SLC46A3: variants seen among roughly 807,000 people sequenced by gnomAD.
SLC46A3 encodes lysosomal proton-coupled steroid conjugate and bile acid symporter SLC46A3.
In SLC46A3, 26 loss-of-function variants were observed where a neutral mutation model predicts 38.5. That is an observed-to-expected ratio of 0.68 (90% CI 0.49 to 0.94). The LOEUF (loss-of-function observed/expected upper bound fraction) is 0.94, where lower values mean the gene tolerates loss of function less well. SLC46A3 is among the 40% of genes least tolerant of loss of function. The pLI is 0.00. For synonymous variants in SLC46A3, 185 were observed against 192.5 expected, an observed-to-expected ratio of 0.96 and a Z score of 0.32; for missense variants, 510 against 544.3, an observed-to-expected ratio of 0.94 and a Z score of 0.63.
At chr13:28,711,284 C>T (rs541199008) in intron 3 of SLC46A3, among the ~76,000 whole-genome samples, 6 of 152,134 alleles carry the variant, frequency 3.9e-5, no homozygotes, top group South Asian at 2.1e-4. Context: ...ATTAGCCAGG[C>T]GTGGTGGCGC....
rs1885013567 is a variant in SLC46A3 at position 28,701,394 on chromosome 13, G to C, written c.*103C>G. ...TTTAGAAGAAAAGATAGGTAAAATT[G>C]GTTCTCAGTGAAGCACTGATTGTGG... is the stretch of plus-strand genomic sequence containing the variant. On this transcript the variant is annotated 3_prime_UTR_variant, in exon 6 of 6. Transcript: ENST00000266943. 6.7e-7 allele frequency: 1 copy of C among 1,501,856 alleles called. No homozygotes were observed. Among genetic ancestry groups the C allele is most frequent in the Admixed American group, 2.4e-5 (1 of 42,264 alleles). The allele number at this position is 1,501,856 out of a possible 1,614,324, so 93.0% of individuals were successfully genotyped here.
Position 28,701,346 on chromosome 13 carries a change from G to A in SLC46A3, c.*151C>T, listed in dbSNP as rs546687092. The A allele has an allele frequency of 6.1e-5, 87 of 1,435,930 alleles. No homozygotes were observed. The highest frequency in any genetic ancestry group is 7.8e-5 in the Non-Finnish European group (85 of 1,096,052). The allele number at this position is 1,435,930 out of a possible 1,614,324, so 88.9% of individuals were successfully genotyped here. A position where few individuals can be genotyped will look rare whatever the true frequency, so the allele number is the denominator to read the frequency against. ...TGGTACCACAAGAAGCTAAAGCCAGGAGCTGTCTCTCTGACTGTTCAGTTT... is the reference window on the plus strand; with the variant it reads ...TGGTACCACAAGAAGCTAAAGCCAGAAGCTGTCTCTCTGACTGTTCAGTTT... On this transcript the variant is annotated 3_prime_UTR_variant, in exon 6 of 6. Transcript: ENST00000266943.
rs748310921 is a variant in SLC46A3, at chr13:28,718,000, T to A, written c.-2A>T. 1.2e-6 allele frequency: 2 copies of A among 1,611,638 alleles called. No individual in the cohort carries two copies. The highest frequency in any genetic ancestry group is 1.7e-6 in the Non-Finnish European group (2 of 1,179,196). ...AGGTTCTACAAATAAAATCTTCATA[T>A]TGCCTGGGTAGGTAGCTGTATTCTA... On this transcript the variant is annotated 5_prime_UTR_variant, in exon 2 of 6. Coordinates refer to ENST00000266943, the MANE Select transcript of SLC46A3 (RefSeq NM_181785.4).
At chr13:28,703,223 A>G (rs894015195) in intron 5 of SLC46A3, among the ~76,000 whole-genome samples, 2 of 152,236 alleles carry the variant, frequency 1.3e-5, no homozygotes, top group Non-Finnish European at 2.9e-5. Flanking sequence ...TCATTAAAAC[A>G]AGACAAAGTC....
intron 2 of SLC46A3, among the ~76,000 whole-genome samples, chr13:28,714,425 C>G (rs1217356705): frequency 6.6e-6 from 1 of 152,032 alleles, no homozygotes. Flanking sequence ...GCCTGGGCAA[C>G]ATAGCGAGAC....
intron 3 of SLC46A3, among the ~76,000 whole-genome samples, chr13:28,711,191 G>A (rs953802749): frequency 4.6e-5 from 7 of 152,142 alleles, no homozygotes; most frequent in East Asian, 1.9e-4. Flanking sequence ...TTGGGAGGCC[G>A]AGGAGGGCAG....
At chr13:28,703,816 TA>T in intron 5 of SLC46A3, 126 bp downstream of exon 5, 1 of 755,220 alleles carries the variant, frequency 1.3e-6, no homozygotes, top group Admixed American at 2.6e-5. Flanking sequence ...ACTTCATGTC[TA>T]AAAGTTCTTG....
chr13:28,705,680 A>C (rs928796465), intron 4 of SLC46A3, among the ~76,000 whole-genome samples: 3 of 152,216 alleles, frequency 2.0e-5, no homozygotes, highest in Non-Finnish European at 4.4e-5. Flanking sequence ...GAATGAATCA[A>C]AGCTTAATTC....
intron 2 of SLC46A3, among the ~76,000 whole-genome samples, chr13:28,714,475 A>G (rs1385856748): frequency 2.0e-5 from 3 of 151,912 alleles, no homozygotes; most frequent in South Asian, 2.1e-4. Context: ...TAGGCCAGGC[A>G]CGGTGGCTCA....
intron 5 of SLC46A3, among the ~76,000 whole-genome samples, chr13:28,703,141 A>G (rs538205464): frequency 3.3e-4 from 51 of 152,358 alleles, no homozygotes; most frequent in African/African-American, 1.2e-3. Flanking sequence ...TACTATTCAT[A>G]AATGGAATTT....
Position 28,718,808 on chromosome 13 carries a change from C to G in SLC46A3, c.-337G>C, listed in dbSNP as rs1451042730. The G allele has an allele frequency of 2.6e-5, 4 of 152,386 alleles. No homozygotes were observed. Among genetic ancestry groups the G allele is most frequent in the Non-Finnish European group, 1.5e-5 (1 of 68,158 alleles). 9.4% of individuals were successfully genotyped at this position (152,386 alleles called of 1,614,324 possible). A position where few individuals can be genotyped will look rare whatever the true frequency, so the allele number is the denominator to read the frequency against. The stretch of plus-strand genomic sequence containing the variant: ...GTTCTCCGGCAGCCCTCGGCTTCCC[C>G]GCGGCCCTGCGGACCTCGGCCTCAG... On this transcript the variant is annotated 5_prime_UTR_variant, in exon 1 of 6. Transcript: ENST00000266943.
rs753121127 is a variant in SLC46A3 at position 28,712,970 on chromosome 13, C to G, written c.770G>C (p.Arg257Pro). The G allele has an allele frequency of 2.5e-6, 4 of 1,612,916 alleles. No homozygotes were observed. The East Asian group carries it at 8.9e-5, about 36-fold the overall frequency. ...MLFKNASGKRRFLLCLLLFTV... is the reference protein window; with the variant it reads ...MLFKNASGKRPFLLCLLLFTV... Reference sequence around the variant, plus strand: ...AAAAAGTAACAAACAGAGCAAAAATCGTCTCTTACCAGAAGCATTCTTAAA... The same window carrying G: ...AAAAAGTAACAAACAGAGCAAAAATGGTCTCTTACCAGAAGCATTCTTAAA... The change falls in exon 3 of 6, where the codon CGA becomes CCA. Residue 257 changes from arginine to proline, a missense_variant. Coordinates refer to ENST00000266943, the MANE Select transcript of SLC46A3 (RefSeq NM_181785.4).
At chr13:28,701,706 T>C in intron 5 of SLC46A3, 125 bp from the exon 6 acceptor site, 1 of 830,034 alleles carries the variant, frequency 1.2e-6, no homozygotes, top group Non-Finnish European at 1.9e-6. Context: ...TTAGGAGGAG[T>C]ATCCTGGCAT....
chr13:28,701,154 A>T lies in SLC46A3; in HGVS notation c.*343T>A. 7.0e-7 allele frequency: 1 copy of T among 1,424,254 alleles called. No homozygotes were observed. The highest frequency in any genetic ancestry group is 9.2e-7 in the Non-Finnish European group (1 of 1,089,112). 88.2% of individuals were successfully genotyped at this position (1,424,254 alleles called of 1,614,324 possible). On this transcript the variant is annotated 3_prime_UTR_variant, in exon 6 of 6. Transcript: ENST00000266943. ...CTTTGGTCTCAGTGTAAGAGCCTGGAATATGTCAGAGAGATTATTGCTTTT... is the reference window on the plus strand; with the variant it reads ...CTTTGGTCTCAGTGTAAGAGCCTGGTATATGTCAGAGAGATTATTGCTTTT...
chr13:28,700,481 TA>T lies in SLC46A3; in HGVS notation c.*1015del. On this transcript the variant is annotated 3_prime_UTR_variant, in exon 6 of 6. Transcript: ENST00000266943. Reference sequence around the variant, plus strand: ...TGGCTTGCTTGTTTGATCATTTTCCTATGAGTGACCGTGTTGACGGATTCAA... The same window carrying T: ...TGGCTTGCTTGTTTGATCATTTTCCTTGAGTGACCGTGTTGACGGATTCAA... The T allele has an allele frequency of 6.4e-6, 1 of 155,086 alleles. No individual in the cohort carries two copies. The highest frequency in any genetic ancestry group is 2.0e-4 in the South Asian group (1 of 5,046). The allele number at this position is 155,086 out of a possible 1,614,324, so 9.6% of individuals were successfully genotyped here. A position where few individuals can be genotyped will look rare whatever the true frequency, so the allele number is the denominator to read the frequency against.
chr13:28,703,523 T>C (rs929167342), intron 5 of SLC46A3, among the ~76,000 whole-genome samples: 3 of 152,176 alleles, frequency 2.0e-5, no homozygotes, highest in Admixed American at 6.5e-5. Context: ...TATTGACAGA[T>C]GCTTTCACGT....
Position 28,713,541 on chromosome 13 carries a change from T to C in SLC46A3, c.199A>G (p.Lys67Glu). The C allele has an allele frequency of 6.2e-7, 1 of 1,601,108 alleles. No homozygotes were observed. The highest frequency in any genetic ancestry group is 8.5e-7 in the Non-Finnish European group (1 of 1,171,518). ...PIFAFQEEVQKKVSRFNLQMD... is the reference protein window; with the variant it reads ...PIFAFQEEVQEKVSRFNLQMD... ...TGCAGATTAAAACGTGACACTTTTTTCTGAACTTCCTGCAAAGAAATATAA... is the reference window on the plus strand; with the variant it reads ...TGCAGATTAAAACGTGACACTTTTTCCTGAACTTCCTGCAAAGAAATATAA... Residue 67 changes from lysine to glutamate, a missense_variant, in exon 3 of 6, where the codon AAA becomes GAA. Lys to Glu is a moderately conservative substitution (Grantham distance 56). Coordinates refer to ENST00000266943, the MANE Select transcript of SLC46A3 (RefSeq NM_181785.4).
intron 4 of SLC46A3, among the ~76,000 whole-genome samples, chr13:28,709,000 G>A (rs768057587): frequency 2.0e-5 from 3 of 152,054 alleles, no homozygotes; most frequent in Non-Finnish European, 4.4e-5. Flanking sequence ...ATAAACAGAT[G>A]TGTGAATATA....
chr13:28,701,661 C>A, intron 5 of SLC46A3, 80 bp from the exon 6 acceptor site: 1 of 1,322,876 alleles, frequency 7.6e-7, no homozygotes, highest in South Asian at 1.3e-5. Flanking sequence ...ACTTTTTTTC[C>A]CAGTTACATA....
Sources: gnomAD v4.1 joint callset for allele counts (sites outside exome capture counted in the v4.1 genomes callset) on GRCh38, gnomAD v4.1.1 for gene constraint, MANE v1.5 for transcripts, NCBI Gene and HGNC (gene_info 2026-07-23, HGNC 2026-07-21) for gene names.